Variants in IFFO2 observed in about 807,000 individuals in gnomAD.
The protein encoded by IFFO2 is intermediate filament family orphan 2.
IFFO2 carries 19 observed loss-of-function variants against 53.5 expected under a neutral mutation model. The observed-to-expected ratio is 0.36, with a 90% CI of 0.25 to 0.52. IFFO2 has a LOEUF of 0.52. IFFO2 is among the 20% of genes least tolerant of loss of function. The pLI, the probability that IFFO2 is intolerant of heterozygous loss-of-function variation, is 0.94. For missense variants in IFFO2, 570 were observed against 727.4 expected (o/e 0.78, Z 2.49); for synonymous variants, 303 against 313.6 (o/e 0.97, Z 0.36).
rs1389463294 is a variant in IFFO2 at position 18,919,093 on chromosome 1, G to T, written c.822+585C>A. 6.6e-6 allele frequency among the ~76,000 whole-genome samples: 1 copy of T among 152,146 alleles called. No homozygotes were observed. Among genetic ancestry groups the T allele is most frequent in the South Asian group, 2.1e-4 (1 of 4,824 alleles). Reference sequence around the variant, plus strand: ...TCTGGCCCCTTCTGCCTTCTGGTGGGGTCTCCCCCTGTACTGCCCACTGTT... The same window carrying T: ...TCTGGCCCCTTCTGCCTTCTGGTGGTGTCTCCCCCTGTACTGCCCACTGTT... On this transcript the variant is annotated intron_variant, in intron 3 of 8. Transcript: ENST00000455833. The surrounding 1 kb of genome is among the most constrained non-coding windows in gnomAD (Gnocchi z 4.9).
intron 1 of IFFO2, among the ~76,000 whole-genome samples, chr1:18,921,809 C>T (rs1936218952): frequency 6.6e-6 from 1 of 152,134 alleles, no homozygotes; most frequent in African/African-American, 2.4e-5. Flanking sequence ...AGGGCTTCCA[C>T]ACCACTACTT....
At chr1:18,943,513 A>C (rs1487387134) in intron 1 of IFFO2, among the ~76,000 whole-genome samples, 1 of 152,160 alleles carries the variant, frequency 6.6e-6, no homozygotes, top group East Asian at 1.9e-4. Flanking sequence ...GGTTCACCCA[A>C]CTCCAACATT....
chr1:18,951,695 A>G (rs1378020616), intron 1 of IFFO2, among the ~76,000 whole-genome samples: 2 of 152,156 alleles, frequency 1.3e-5, no homozygotes, highest in Non-Finnish European at 2.9e-5. Context: ...AGCCTTAAAG[A>G]TTTCCTGCAT....
intron 5 of IFFO2, among the ~76,000 whole-genome samples, chr1:18,914,462 G>C (rs1463974245): frequency 6.6e-6 from 1 of 152,142 alleles, no homozygotes; most frequent in Admixed American, 6.5e-5. Context: ...TCCTGTCTTA[G>C]GGCTCAGAAG....
At chr1:18,913,400 C>T (rs983093623) in intron 5 of IFFO2, among the ~76,000 whole-genome samples, 14 of 152,238 alleles carry the variant, frequency 9.2e-5, no homozygotes, top group African/African-American at 2.4e-4. Context: ...TCCTTCCCAG[C>T]GTCTGGGATC....
intron 1 of IFFO2, among the ~76,000 whole-genome samples, chr1:18,954,233 G>C (rs1936694948): frequency 1.3e-5 from 2 of 152,334 alleles, no homozygotes; most frequent in Non-Finnish European, 2.9e-5. Flanking sequence ...GCTTGACAAA[G>C]TGCCTATCAT....
chr1:18,940,623 A>G (rs1176128555), intron 1 of IFFO2, among the ~76,000 whole-genome samples: 2 of 151,850 alleles, frequency 1.3e-5, no homozygotes, highest in African/African-American at 4.8e-5. Flanking sequence ...ACGGACGGAC[A>G]GACGGATGGA....
At chr1:18,923,978 C>A (rs893449548) in intron 1 of IFFO2, among the ~76,000 whole-genome samples, 4 of 152,228 alleles carry the variant, frequency 2.6e-5, no homozygotes, top group African/African-American at 9.6e-5. Context: ...TGAGCTTGCA[C>A]AAATGATTTC....
Position 18,906,158 on chromosome 1 carries a change from A to C in IFFO2, c.*2403T>G, listed in dbSNP as rs573870825. On this transcript the variant is annotated 3_prime_UTR_variant, in exon 9 of 9. Coordinates refer to ENST00000455833, the MANE Select transcript of IFFO2 (RefSeq NM_001136265.2). ...TCCTACCCACCTGCCCCAAGTCCTC[A>C]CTCCCAAGAGGAGAGCAGATATTAA... 6.6e-6 allele frequency: 1 copy of C among 151,958 alleles called. No homozygotes were observed. The highest frequency in any genetic ancestry group is 2.1e-4 in the South Asian group (1 of 4,806). 9.4% of individuals were successfully genotyped at this position (151,958 alleles called of 1,614,324 possible).
In IFFO2 at chr1:18,914,895, A is replaced by C. The variant is rs1936109038; in HGVS notation, c.1103+2008T>G. ...AATATGAGATGGGGGGTATCAAAAG[A>C]GGAATCAAGAATCTAGGGGTCTCCT... On this transcript the variant is annotated intron_variant, in intron 5 of 8. Transcript: ENST00000455833. Among the ~76,000 whole-genome samples the C allele has an allele frequency of 1.3e-5, 2 of 151,772 alleles. 1 individual carries two copies. Among genetic ancestry groups the C allele is most frequent in the South Asian group, 4.2e-4 (2 of 4,804 alleles).
chr1:18,933,070 C>G (rs1262511561), intron 1 of IFFO2, among the ~76,000 whole-genome samples: 7 of 152,262 alleles, frequency 4.6e-5, no homozygotes, highest in Non-Finnish European at 5.9e-5. Flanking sequence ...AGTGCTCACC[C>G]AGGAGCCAAG....
intron 1 of IFFO2, among the ~76,000 whole-genome samples, chr1:18,929,354 G>A (rs1460074448): frequency 1.3e-5 from 2 of 152,194 alleles, no homozygotes; most frequent in Admixed American, 1.3e-4. Context: ...CCTGGGGGAG[G>A]GAGGGGCAAA....
At chr1:18,925,970 G>A (rs1936285261) in intron 1 of IFFO2, among the ~76,000 whole-genome samples, 4 of 138,048 alleles carry the variant, frequency 2.9e-5, no homozygotes, top group South Asian at 2.4e-4. Context: ...TTGGATGGAT[G>A]GATGGATGGA....
rs1396035981 is a variant in IFFO2, at chr1:18,904,282, A to G, written c.*4279T>C. On this transcript the variant is annotated 3_prime_UTR_variant, in exon 9 of 9. Transcript: ENST00000455833. Reference sequence around the variant, plus strand: ...AACAAAAACAAAAAAAAGCACCATCAGTTCTAAGACATTTCACTTTATTTA... The same window carrying G: ...AACAAAAACAAAAAAAAGCACCATCGGTTCTAAGACATTTCACTTTATTTA... 6.6e-6 allele frequency: 1 copy of G among 152,234 alleles called. No homozygotes were observed. Among genetic ancestry groups the G allele is most frequent in the Non-Finnish European group, 1.5e-5 (1 of 68,052 alleles). The allele number at this position is 152,234 out of a possible 1,614,324, so 9.4% of individuals were successfully genotyped here.
Position 18,928,862 on chromosome 1 carries a change from TGGA to T in IFFO2, c.666-7744_666-7742del, listed in dbSNP as rs1557644267. Among the ~76,000 whole-genome samples the T allele has an allele frequency of 6.6e-6, 1 of 152,158 alleles. No individual in the cohort carries two copies. Among genetic ancestry groups the T allele is most frequent in the Non-Finnish European group, 1.5e-5 (1 of 68,014 alleles). On this transcript the variant is annotated intron_variant, in intron 1 of 8. Coordinates refer to ENST00000455833, the MANE Select transcript of IFFO2 (RefSeq NM_001136265.2). This position sits in a 1 kb window ranked among gnomAD's most constrained non-coding sequence, Gnocchi z 4.9. Reference sequence around the variant, plus strand: ...GCACGCCCTGGATAGGGCCCTTCCTTGGAGTCCAGAAGTGGTGACAGCCTCAGG... The same window carrying T: ...GCACGCCCTGGATAGGGCCCTTCCTTGTCCAGAAGTGGTGACAGCCTCAGG...
chr1:18,911,867 G>A, intron 6 of IFFO2, 96 bp downstream of exon 6: 1 of 1,442,882 alleles, frequency 6.9e-7, no homozygotes, highest in Non-Finnish European at 9.4e-7. Flanking sequence ...TGTGTGGTGG[G>A]GGCTGTAGAA....
chr1:18,930,785 C>T (rs1269748577), intron 1 of IFFO2, among the ~76,000 whole-genome samples: 1 of 152,232 alleles, frequency 6.6e-6, no homozygotes, highest in Non-Finnish European at 1.5e-5. Flanking sequence ...TCTGAGGTTT[C>T]AGTTGTTTTC....
intron 1 of IFFO2, among the ~76,000 whole-genome samples, chr1:18,925,852 AT>A (rs374073708): frequency 9.5e-4 from 15 of 15,842 alleles, no homozygotes; most frequent in Admixed American, 3.3e-3. Flanking sequence ...GGATGGATGG[AT>A]TGGTTGGATG....
intron 1 of IFFO2, among the ~76,000 whole-genome samples, chr1:18,933,322 C>T (rs190576353): frequency 2.8e-3 from 428 of 152,304 alleles, no homozygotes; most frequent in Non-Finnish European, 4.6e-3. Flanking sequence ...TGAAGGGGCC[C>T]CATCCAAGTT....
Sources: allele counts gnomAD v4.1 joint callset (sites outside exome capture counted in the v4.1 genomes callset), GRCh38; gene constraint gnomAD v4.1.1; non-coding constraint Gnocchi (gnomAD v3.1); transcripts MANE v1.5; gene names NCBI Gene and HGNC (gene_info 2026-07-23, HGNC 2026-07-21).